The following GPC6 variants were observed in gnomAD, a reference collection of about 807,000 sequenced individuals.
GPC6 encodes the protein glypican 6, also known as glypican-6.
Under a neutral mutation model 55.2 loss-of-function variants are expected in GPC6, and 14 were observed. The observed-to-expected ratio is 0.25, with a 90% CI of 0.17 to 0.40. The LOEUF is 0.40. Ranked by LOEUF, GPC6 falls within the 10% of genes least tolerant of loss-of-function variation. The pLI is 1.00. For synonymous variants in GPC6, 278 were observed against 259.6 expected (o/e 1.07, Z -0.68); for missense variants, 641 against 708.5 (o/e 0.90, Z 1.08).
chr13:93,315,035 T>C (rs9516218), intron 1 of GPC6, among the ~76,000 whole-genome samples: 68,047 of 151,750 alleles, frequency 0.45, 15,322 homozygotes, highest in Admixed American at 0.49. Flanking sequence ...ACATTGTTGG[T>C]TTGAAAGATG....
chr13:93,952,896 TAC>T, intron 3 of GPC6, among the ~76,000 whole-genome samples: 1 of 147,106 alleles, frequency 6.8e-6, no homozygotes, highest in East Asian at 2.0e-4. Context: ...GTGTGATATA[TAC>T]GTGTATATAT....
intron 2 of GPC6, among the ~76,000 whole-genome samples, chr13:93,610,195 C>T (rs1878405791): frequency 1.3e-5 from 2 of 152,118 alleles, no homozygotes; most frequent in African/African-American, 2.4e-5. Context: ...GAAAAAACTT[C>T]GTAAGTTTCA....
chr13:93,276,557 T>A (rs914668197), intron 1 of GPC6, among the ~76,000 whole-genome samples: 1 of 149,424 alleles, frequency 6.7e-6, no homozygotes, highest in African/African-American at 2.5e-5. Context: ...AGGAGAAGAA[T>A]CCCTGTGAAT....
At position 94,257,465 on chromosome 13, in the gene GPC6, C is replaced by T. The variant is rs148552639; in HGVS notation, c.878-28884C>T. On this transcript the variant is annotated intron_variant, in intron 4 of 8. Transcript: ENST00000377047. ...TACTTTGTCCAGGGACAAGGCACTGCGGTCAAGAACTCGCCCTGGCCCTGG... is the reference window on the plus strand; with the variant it reads ...TACTTTGTCCAGGGACAAGGCACTGTGGTCAAGAACTCGCCCTGGCCCTGG... Among the ~76,000 whole-genome samples the T allele has an allele frequency of 2.8e-3, 429 of 152,292 alleles. 3 individuals carry two copies. The highest frequency in any genetic ancestry group is 9.2e-3 in the African/African-American group (381 of 41,548).
chr13:93,523,963 G>A (rs1029475451), intron 1 of GPC6, among the ~76,000 whole-genome samples: 4 of 151,846 alleles, frequency 2.6e-5, no homozygotes, highest in Non-Finnish European at 5.9e-5. Flanking sequence ...AAACAGGGTG[G>A]GAACTCAAAA....
intron 6 of GPC6, among the ~76,000 whole-genome samples, chr13:94,309,547 T>C (rs1437265091): frequency 6.7e-6 from 1 of 148,842 alleles, no homozygotes; most frequent in African/African-American, 2.5e-5. Flanking sequence ...TAAATTCTTT[T>C]GTATCTCTAG....
chr13:93,581,940 G>T (rs1876955315), intron 2 of GPC6, among the ~76,000 whole-genome samples: 1 of 152,058 alleles, frequency 6.6e-6, no homozygotes, highest in Non-Finnish European at 1.5e-5. Context: ...CCACCCTGAT[G>T]GGTGTTTTTA....
chr13:93,528,830 T>G (rs1881753777), intron 1 of GPC6, among the ~76,000 whole-genome samples: 1 of 152,162 alleles, frequency 6.6e-6, no homozygotes, highest in South Asian at 2.1e-4. Flanking sequence ...TTAGAAACAG[T>G]GGTTGAGATG....
intron 1 of GPC6, among the ~76,000 whole-genome samples, chr13:93,366,059 A>C (rs1047029475): frequency 6.6e-6 from 1 of 152,092 alleles, no homozygotes; most frequent in South Asian, 2.1e-4. Flanking sequence ...GATACACTAT[A>C]TATCTCTGGT....
chr13:93,884,077 G>A (rs577274374), intron 3 of GPC6, among the ~76,000 whole-genome samples: 1 of 152,146 alleles, frequency 6.6e-6, no homozygotes, highest in East Asian at 1.9e-4. Flanking sequence ...CTCAATAAAT[G>A]TTTTTCATGT....
intron 1 of GPC6, among the ~76,000 whole-genome samples, chr13:93,498,812 A>G (rs1279714864): frequency 6.6e-6 from 1 of 152,066 alleles, no homozygotes; most frequent in African/African-American, 2.4e-5. Flanking sequence ...TCTTTATGAT[A>G]TTACTTTATC....
At chr13:93,859,299 T>C (rs953460137) in intron 3 of GPC6, among the ~76,000 whole-genome samples, 2 of 151,852 alleles carry the variant, frequency 1.3e-5, no homozygotes, top group African/African-American at 4.8e-5. Context: ...ATGTGTCTAA[T>C]TGTTCTTTCA....
chr13:93,241,270 A>G (rs950368588), intron 1 of GPC6, among the ~76,000 whole-genome samples: 2 of 152,164 alleles, frequency 1.3e-5, no homozygotes, highest in African/African-American at 4.8e-5. Context: ...CTTCAGGAAT[A>G]CCTATGATTA....
At chr13:93,370,857 A>G (rs1295732259) in intron 1 of GPC6, among the ~76,000 whole-genome samples, 1 of 152,186 alleles carries the variant, frequency 6.6e-6, no homozygotes, top group Non-Finnish European at 1.5e-5. Context: ...TCCTTTAGAA[A>G]ACATTGAGAA....
At chr13:94,328,944 G>T (rs1407484822) in intron 6 of GPC6, among the ~76,000 whole-genome samples, 1 of 152,212 alleles carries the variant, frequency 6.6e-6, no homozygotes, top group Admixed American at 6.5e-5. Context: ...AAGCTTCTGT[G>T]TGAGTGTGAA....
chr13:94,155,183 A>T (rs1887890061), intron 4 of GPC6, among the ~76,000 whole-genome samples: 1 of 151,852 alleles, frequency 6.6e-6, no homozygotes, highest in South Asian at 2.1e-4. Context: ...GGTAACCTAT[A>T]GTCACCCCAA....
intron 3 of GPC6, among the ~76,000 whole-genome samples, chr13:93,970,731 C>T (rs1880248534): frequency 6.6e-6 from 1 of 152,168 alleles, no homozygotes; most frequent in African/African-American, 2.4e-5. Flanking sequence ...CCCTGACAAC[C>T]TGATCTTAGG....
intron 3 of GPC6, among the ~76,000 whole-genome samples, chr13:93,976,917 G>A (rs1463127941): frequency 1.3e-5 from 2 of 152,038 alleles, no homozygotes; most frequent in African/African-American, 4.8e-5. Flanking sequence ...ATCAGAAACA[G>A]CATAAGAATA....
At chr13:93,847,801 A>G (rs1888244378) in intron 3 of GPC6, among the ~76,000 whole-genome samples, 2 of 152,132 alleles carry the variant, frequency 1.3e-5, no homozygotes, top group Non-Finnish European at 2.9e-5. Flanking sequence ...CTTTTGTAAT[A>G]TAGAGAGTCA....
Sources: gnomAD v4.1 joint callset for allele counts (sites outside exome capture counted in the v4.1 genomes callset) on GRCh38, gnomAD v4.1.1 for gene constraint, MANE v1.5 for transcripts, NCBI Gene and HGNC (gene_info 2026-07-23, HGNC 2026-07-21) for gene names.